The following WWOX variants were observed in gnomAD, a reference collection of about 807,000 sequenced individuals.
WWOX encodes WW domain containing oxidoreductase, also known as WW domain-containing oxidoreductase.
A neutral mutation model predicts 46.2 loss-of-function variants in WWOX; 69 were observed. The observed-to-expected ratio is 1.49, with a 90% CI of 1.23 to 1.82. The LOEUF (loss-of-function observed/expected upper bound fraction) is 1.82. Ranked by LOEUF, WWOX falls within the 40% of genes most tolerant of loss-of-function variation. The pLI is 0.00. For missense variants in WWOX, 919 were observed against 542.6 expected, an observed-to-expected ratio of 1.69 and a Z score of -6.89; for synonymous variants, 359 against 202.6, an observed-to-expected ratio of 1.77 and a Z score of -6.56.
chr16:78,946,960 G>T (rs2045960956), intron 8 of WWOX, among the ~76,000 whole-genome samples: 1 of 152,150 alleles, frequency 6.6e-6, no homozygotes, highest in South Asian at 2.1e-4. Flanking sequence ...TTAGGAGTTG[G>T]TATCGCACGC....
At chr16:78,854,079 T>G (rs2052513572) in intron 8 of WWOX, among the ~76,000 whole-genome samples, 1 of 152,224 alleles carries the variant, frequency 6.6e-6, no homozygotes, top group Admixed American at 6.5e-5. Flanking sequence ...TTTCTATATT[T>G]TTCTCAGCAT....
chr16:79,146,484 G>A (rs1341694093), intron 8 of WWOX, among the ~76,000 whole-genome samples: 2 of 152,146 alleles, frequency 1.3e-5, no homozygotes, highest in Non-Finnish European at 2.9e-5. Context: ...GAGATTTGGA[G>A]TCGTAACGAG....
intron 8 of WWOX, among the ~76,000 whole-genome samples, chr16:78,437,502 C>T (rs13329848): frequency 0.094 from 14,347 of 152,170 alleles, 1,145 homozygotes; most frequent in East Asian, 0.23. Flanking sequence ...ATAATAATCA[C>T]TAATGAGAAA....
intron 8 of WWOX, among the ~76,000 whole-genome samples, chr16:79,047,232 A>G (rs1415081170): frequency 6.6e-6 from 1 of 152,166 alleles, no homozygotes; most frequent in Non-Finnish European, 1.5e-5. Flanking sequence ...AATTGTCCTT[A>G]CCCTCATGGA....
intron 8 of WWOX, among the ~76,000 whole-genome samples, chr16:78,451,063 A>T (rs369997804): frequency 6.6e-6 from 1 of 152,164 alleles, no homozygotes; most frequent in Non-Finnish European, 1.5e-5. Context: ...CGTTATACTT[A>T]AGCTTGTTTA....
At chr16:79,012,649 A>G (rs899260928) in intron 8 of WWOX, among the ~76,000 whole-genome samples, 1 of 152,224 alleles carries the variant, frequency 6.6e-6, no homozygotes, top group Non-Finnish European at 1.5e-5. Flanking sequence ...GTGATTAACC[A>G]ATGAATGAGG....
At chr16:78,942,382 C>A (rs879075453) in intron 8 of WWOX, among the ~76,000 whole-genome samples, 1 of 152,134 alleles carries the variant, frequency 6.6e-6, no homozygotes, top group African/African-American at 2.4e-5. Context: ...ATATTTGATA[C>A]TCTCTTTTGC....
At chr16:78,353,434 A>G (rs56365791) in intron 5 of WWOX, among the ~76,000 whole-genome samples, 60,298 of 152,030 alleles carry the variant, frequency 0.4, 12,920 homozygotes, top group Non-Finnish European at 0.49. Context: ...CACCAAATCT[A>G]TCGATTAATA....
chr16:78,600,011 G>A (rs943612086), intron 8 of WWOX, among the ~76,000 whole-genome samples: 1 of 152,112 alleles, frequency 6.6e-6, no homozygotes, highest in Non-Finnish European at 1.5e-5. Context: ...AGCTCCACAT[G>A]GCTGGGGAGG....
chr16:78,585,172 C>T lies in WWOX; in HGVS notation c.1056+152420C>T, dbSNP rs1452710754. ...TGTACAAGGCTGTGGTTCTGACCAC[C>T]CCCGGGCTATTTCTGACCACAGGAC... On this transcript the variant is annotated intron_variant, in intron 8 of 8. Transcript: ENST00000566780. 1.3e-5 allele frequency among the ~76,000 whole-genome samples: 2 copies of T among 152,148 alleles called. 1 individual carries two copies. The highest frequency in any genetic ancestry group is 3.9e-4 in the East Asian group (2 of 5,184).
chr16:78,394,996 G>T (rs1046288083), intron 6 of WWOX, among the ~76,000 whole-genome samples: 5 of 152,172 alleles, frequency 3.3e-5, no homozygotes, highest in African/African-American at 1.2e-4. Context: ...GCAGGTTGTT[G>T]ATTATTGAAA....
At chr16:78,530,285 C>CA (rs1381954088) in intron 8 of WWOX, among the ~76,000 whole-genome samples, 1 of 152,168 alleles carries the variant, frequency 6.6e-6, no homozygotes, top group African/African-American at 2.4e-5. Flanking sequence ...GTCAGCGTGA[C>CA]AGCCTTTTGC....
chr16:78,352,404 G>C (rs1270665342), intron 5 of WWOX, among the ~76,000 whole-genome samples: 2 of 152,150 alleles, frequency 1.3e-5, no homozygotes, highest in African/African-American at 4.8e-5. Context: ...ATTTCTTTCT[G>C]TAGGTTCTAG....
chr16:79,091,313 T>C (rs2048955537), intron 8 of WWOX, among the ~76,000 whole-genome samples: 1 of 152,180 alleles, frequency 6.6e-6, no homozygotes. Context: ...TTTTGCTATA[T>C]GCTGATCCCA....
At chr16:79,138,504 C>A (rs1010105941) in intron 8 of WWOX, among the ~76,000 whole-genome samples, 2 of 152,180 alleles carry the variant, frequency 1.3e-5, no homozygotes, top group African/African-American at 4.8e-5. Context: ...TCCTGTGGCC[C>A]CACTGTGCCA....
chr16:78,263,298 A>G (rs1298702430), intron 5 of WWOX, among the ~76,000 whole-genome samples: 3 of 152,104 alleles, frequency 2.0e-5, no homozygotes, highest in Admixed American at 1.3e-4. Context: ...CAAAGTTCCA[A>G]TCAGTGCCCA....
chr16:78,620,729 A>G (rs1400970732), intron 8 of WWOX, among the ~76,000 whole-genome samples: 3 of 152,186 alleles, frequency 2.0e-5, no homozygotes, highest in Non-Finnish European at 2.9e-5. Context: ...GGGTTAGCAA[A>G]ATGCATATTT....
At chr16:78,502,658 G>A (rs539097514) in intron 8 of WWOX, among the ~76,000 whole-genome samples, 2 of 152,314 alleles carry the variant, frequency 1.3e-5, no homozygotes, top group South Asian at 4.1e-4. Flanking sequence ...TTTCAGCATG[G>A]ACTTCTGTTT....
intron 5 of WWOX, among the ~76,000 whole-genome samples, chr16:78,354,039 G>A (rs1567518931): frequency 1.3e-5 from 2 of 152,114 alleles, no homozygotes; most frequent in African/African-American, 2.4e-5. Flanking sequence ...TTCAGTCTAC[G>A]CAAGGGTATT....
Sources: allele counts gnomAD v4.1 joint callset (sites outside exome capture counted in the v4.1 genomes callset), GRCh38; gene constraint gnomAD v4.1.1; transcripts MANE v1.5; gene names NCBI Gene and HGNC (gene_info 2026-07-23, HGNC 2026-07-21).